NMU: variants seen among roughly 807,000 people sequenced by gnomAD.
NMU encodes the protein neuromedin U.
Under a neutral mutation model 35.4 loss-of-function variants are expected in NMU, and 29 were observed. The observed-to-expected ratio is 0.82, with a 90% CI of 0.61 to 1.12. The LOEUF is 1.12. Among genes scored for constraint, NMU ranks in the 50% most tolerant of loss-of-function variants. The probability of loss-of-function intolerance (pLI) is 0.00; values close to 1 mark genes in which losing one functional copy is unlikely to be tolerated. For missense variants in NMU, 199 were observed against 206.2 expected, an observed-to-expected ratio of 0.97 and a Z score of 0.21; for synonymous variants, 78 against 81.3, an observed-to-expected ratio of 0.96 and a Z score of 0.22.
At chr4:55,605,670 C>T (rs1733653928) in intron 6 of NMU, among the ~76,000 whole-genome samples, 1 of 152,204 alleles carries the variant, frequency 6.6e-6, no homozygotes, top group African/African-American at 2.4e-5. Context: ...AGGCAAAAGG[C>T]AGTCTGTCTG....
chr4:55,611,462 G>A (rs1043830300), intron 3 of NMU, among the ~76,000 whole-genome samples: 7 of 151,990 alleles, frequency 4.6e-5, no homozygotes, highest in South Asian at 2.1e-4. Context: ...TAAATTTAAC[G>A]CAGCCTAAGT....
Position 55,603,911 on chromosome 4 carries a change from CAA to C in NMU, c.435+1362_435+1363del, listed in dbSNP as rs746222578. 2.5e-3 allele frequency among the ~76,000 whole-genome samples: 127 copies of C among 50,376 alleles called. 2 individuals carry two copies. Among genetic ancestry groups the C allele is most frequent in the African/African-American group, 0.012 (103 of 8,400 alleles). The allele number at this position is 50,376 out of a possible 152,430, so 33.0% of individuals were successfully genotyped here. ...TGGGCGACAGAGCAAGAGTCCGTCT[CAA>C]AAAAAAAAAAAAAATATATATATAT... On this transcript the variant is annotated intron_variant, in intron 7 of 9. Coordinates refer to ENST00000264218, the MANE Select transcript of NMU (RefSeq NM_006681.4).
At chr4:55,603,736 C>T (rs1444647185) in intron 7 of NMU, among the ~76,000 whole-genome samples, 1 of 151,214 alleles carries the variant, frequency 6.6e-6, no homozygotes. Context: ...CACGGTGAAA[C>T]TCCGTCTCTA....
chr4:55,630,367 A>G, intron 2 of NMU, 35 bp downstream of exon 2: 1 of 1,500,654 alleles, frequency 6.7e-7, no homozygotes, highest in Non-Finnish European at 9.3e-7. Flanking sequence ...AGAAGGGTAA[A>G]GTTTCTACAA....
chr4:55,628,745 C>T (rs563273168), intron 2 of NMU, among the ~76,000 whole-genome samples: 5 of 152,116 alleles, frequency 3.3e-5, no homozygotes, highest in African/African-American at 4.8e-5. Flanking sequence ...ACCTCAGCCT[C>T]ACAAAGTGCT....
chr4:55,616,164 C>G (rs1734102363), intron 3 of NMU, among the ~76,000 whole-genome samples, 174 bp downstream of exon 3: 1 of 152,140 alleles, frequency 6.6e-6, no homozygotes, highest in African/African-American at 2.4e-5. Context: ...GATGAAAGCC[C>G]TAGCACATTA....
Position 55,636,189 on chromosome 4 carries a change from G to T in NMU, c.4C>A (p.Leu2Met). The change falls in exon 1 of 10, where the codon CTG becomes ATG. Residue 2 changes from leucine (L) to methionine (M), a missense_variant. Leu to Met is a conservative substitution (Grantham distance 15). Transcript: ENST00000264218. This position sits in a 1 kb window ranked among gnomAD's most constrained non-coding sequence, Gnocchi z 4.0. ...CTGGGGCGGCAGCTCTCTGTTCGCA[G>T]CATCTCGGCGGCTGCGGGAGGCTCG... M[L>M]RTESCRPRSP... 6.7e-7 allele frequency: 1 copy of T among 1,490,168 alleles called. No individual in the cohort carries two copies. Among genetic ancestry groups the T allele is most frequent in the South Asian group, 1.3e-5 (1 of 76,192 alleles). The allele number at this position is 1,490,168 out of a possible 1,614,324, so 92.3% of individuals were successfully genotyped here. A position where few individuals can be genotyped will look rare whatever the true frequency, so the allele number is the denominator to read the frequency against.
intron 7 of NMU, among the ~76,000 whole-genome samples, chr4:55,604,679 A>ATTTTTTATTTTTT (rs1733604354): frequency 2.1e-5 from 1 of 47,610 alleles, no homozygotes; most frequent in Non-Finnish European, 3.2e-5. Flanking sequence ...TGCCTGGCTA[A>ATTTTTTATTTTTT]TTTTTTTTTT....
At position 55,599,175 on chromosome 4, in the gene NMU, T is replaced by C. The variant is rs1031893425; in HGVS notation, c.496A>G (p.Asn166Asp). 7.5e-6 allele frequency: 12 copies of C among 1,606,224 alleles called. No homozygotes were observed. In the South Asian group the frequency reaches 1.3e-4, roughly 18 times the overall value. ...SRGYFLFRPR[N>D]GRRSAGFI is the part of the protein sequence containing the mutation. ...ATGAACCCTGCTGACCTTCTTCCAT[T>C]CCGTGGCTGAAAAATAATAGATTAG... The change falls in exon 9 of 10, where the codon AAT (asparagine) becomes GAT (aspartate). Residue 166 changes from asparagine to aspartate, a missense_variant. Coordinates refer to ENST00000264218, the MANE Select transcript of NMU (RefSeq NM_006681.4).
rs768130639 is a variant in NMU at position 55,616,348 on chromosome 4, G to A, written c.209C>T (p.Ser70Phe). The change falls in exon 3 of 10, where the codon TCT becomes TTT. Residue 70 changes from serine (S) to phenylalanine (F), a missense_variant. Transcript: ENST00000264218. ...DTCSSFLSID[S>F]QPQASNALEE... is the part of the protein sequence containing the mutation. ...TTCAATTGGAATTACCTGAGGCTGA[G>A]AATCAATGGACAGAAAAGACGAACA... is the stretch of plus-strand genomic sequence containing the variant. 2.5e-5 allele frequency: 40 copies of A among 1,611,508 alleles called. 1 individual carries two copies. The South Asian group carries it at 4.4e-4, about 18-fold the overall frequency.
At chr4:55,615,721 G>A (rs1032301889) in intron 3 of NMU, among the ~76,000 whole-genome samples, 1 of 152,200 alleles carries the variant, frequency 6.6e-6, no homozygotes, top group Non-Finnish European at 1.5e-5. Flanking sequence ...CTGTTATACA[G>A]ATTATTTCAT....
At chr4:55,626,583 T>G (rs568096420) in intron 2 of NMU, among the ~76,000 whole-genome samples, 1 of 152,322 alleles carries the variant, frequency 6.6e-6, no homozygotes, top group African/African-American at 2.4e-5. Context: ...GGCACGTGCC[T>G]GTAGTCCCAG....
intron 9 of NMU, among the ~76,000 whole-genome samples, chr4:55,597,608 C>T (rs11945489): frequency 0.29 from 43,581 of 152,046 alleles, 6,893 homozygotes; most frequent in East Asian, 0.59. Context: ...TCAGGTGATC[C>T]GCCCACCTTG....
chr4:55,630,105 T>TA (rs1734698709), intron 2 of NMU, among the ~76,000 whole-genome samples: 2 of 152,190 alleles, frequency 1.3e-5, no homozygotes, highest in East Asian at 1.9e-4. Context: ...CTGGATCTAT[T>TA]AAAAAAATCC....
chr4:55,631,855 C>T (rs906003671), intron 1 of NMU, among the ~76,000 whole-genome samples: 1 of 119,190 alleles, frequency 8.4e-6, no homozygotes, highest in Non-Finnish European at 1.9e-5. Flanking sequence ...GAAAAAGACA[C>T]ATGCACACAC....
chr4:55,633,731 T>C (rs1383716097), intron 1 of NMU, among the ~76,000 whole-genome samples: 2 of 152,240 alleles, frequency 1.3e-5, no homozygotes, highest in Non-Finnish European at 2.9e-5. Context: ...ATTGTGAGTA[T>C]GTACTTCACT....
chr4:55,618,837 T>TTCTCTCTCTATCTTTCTTC (rs763506175), intron 2 of NMU, among the ~76,000 whole-genome samples: 2 of 151,128 alleles, frequency 1.3e-5, no homozygotes, highest in Admixed American at 6.6e-5. Flanking sequence ...CTTCTTTCTT[T>TTCTCTCTCTATCTTTCTTC]TCTCTCTCTT....
At chr4:55,613,607 G>A (rs568744588) in intron 3 of NMU, among the ~76,000 whole-genome samples, 13 of 151,908 alleles carry the variant, frequency 8.6e-5, no homozygotes, top group African/African-American at 3.1e-4. Context: ...ATTGAATCAC[G>A]CCCCCCTGTA....
intron 3 of NMU, 104 bp downstream of exon 3, chr4:55,616,234 T>C: frequency 1.2e-6 from 1 of 812,846 alleles, no homozygotes; most frequent in Non-Finnish European, 2.2e-6. Flanking sequence ...TCTCACACGT[T>C]GACATGTTTT....
Sources: allele counts gnomAD v4.1 joint callset (sites outside exome capture counted in the v4.1 genomes callset), GRCh38; gene constraint gnomAD v4.1.1; non-coding constraint Gnocchi (gnomAD v3.1); transcripts MANE v1.5; gene names NCBI Gene and HGNC (gene_info 2026-07-23, HGNC 2026-07-21).